Variants in TOP6BL observed in about 807,000 individuals in gnomAD.
TOP6BL encodes TOP6B like initiator of meiotic double strand breaks, also known as type 2 DNA topoisomerase 6 subunit B-like.
At chr11:66,825,291 C>G in the TOP6BL span, among the ~76,000 whole-genome samples, 2 of 149,164 alleles carry the variant, frequency 1.3e-5, no homozygotes, top group African/African-American at 4.9e-5. Flanking sequence ...TCAGCCTGAC[C>G]AACATGGTGA....
chr11:66,763,561 C>T, the TOP6BL span, among the ~76,000 whole-genome samples: 12 of 151,968 alleles, frequency 7.9e-5, no homozygotes, highest in Non-Finnish European at 1.2e-4. Context: ...CCTCCCACCT[C>T]GGCCTCCCAA....
the TOP6BL span, among the ~76,000 whole-genome samples, chr11:66,754,360 AT>A: frequency 5.9e-5 from 9 of 151,884 alleles, no homozygotes; most frequent in Admixed American, 3.9e-4. Flanking sequence ...CATAATTTTT[AT>A]CTCTTCTACT....
chr11:66,748,242 T>C, the TOP6BL span: 1 of 692,814 alleles, frequency 1.4e-6, no homozygotes, highest in Admixed American at 3.4e-5. Context: ...TGAACAAACC[T>C]AAATCTGACA....
the TOP6BL span, among the ~76,000 whole-genome samples, chr11:66,784,956 C>CTTTTTTTTT: frequency 2.0e-4 from 19 of 95,114 alleles, no homozygotes; most frequent in Admixed American, 2.6e-4. Flanking sequence ...TCTAAGATTT[C>CTTTTTTTTT]TTTTTTTTTT....
At chr11:66,748,595 G>T in the TOP6BL span, 2 of 1,132,564 alleles carry the variant, frequency 1.8e-6, no homozygotes, top group Non-Finnish European at 2.4e-6. Context: ...ATTTCAATTA[G>T]AATCTTTTAT....
the TOP6BL span, among the ~76,000 whole-genome samples, chr11:66,802,260 C>T: frequency 6.6e-6 from 1 of 151,976 alleles, no homozygotes; most frequent in African/African-American, 2.4e-5. Context: ...TCAAGCGATT[C>T]TCCTGCCTCA....
chr11:66,749,049 TGTGTGTGTGTGTGTG>T, the TOP6BL span, among the ~76,000 whole-genome samples: 152 of 147,684 alleles, frequency 1.0e-3, no homozygotes, highest in African/African-American at 3.7e-3. Flanking sequence ...GTTAGCTTTT[TGTGTGTGTGTGTGTG>T]GTGTGTGTGT....
the TOP6BL span, chr11:66,828,337 TCAC>T: frequency 1.5e-5 from 25 of 1,613,402 alleles, no homozygotes; most frequent in Admixed American, 3.3e-5. Flanking sequence ...ACCAATTTCT[TCAC>T]CACTGCTCAT....
At chr11:66,800,971 TCAAA>T in the TOP6BL span, 3 of 1,574,908 alleles carry the variant, frequency 1.9e-6, no homozygotes, top group African/African-American at 1.3e-5. Flanking sequence ...AAAATTTATG[TCAAA>T]CAGAGATTGA....
the TOP6BL span, among the ~76,000 whole-genome samples, chr11:66,837,646 T>C: frequency 6.6e-6 from 1 of 151,064 alleles, no homozygotes; most frequent in Admixed American, 6.6e-5. Flanking sequence ...AGTTTCACCA[T>C]GTTGGCCAGG....
the TOP6BL span, among the ~76,000 whole-genome samples, chr11:66,828,975 G>GT: frequency 0.21 from 24,852 of 120,358 alleles, 2,880 homozygotes; most frequent in Middle Eastern, 0.39. Flanking sequence ...TGTGTTTTTT[G>GT]TTTTTTTTTT....
chr11:66,807,438 G>A, the TOP6BL span, among the ~76,000 whole-genome samples: 1 of 152,138 alleles, frequency 6.6e-6, no homozygotes, highest in Non-Finnish European at 1.5e-5. Context: ...AGGCATGGTT[G>A]TGCATGCCTG....
the TOP6BL span, among the ~76,000 whole-genome samples, chr11:66,836,070 C>T: frequency 1.3e-5 from 2 of 152,192 alleles, no homozygotes; most frequent in Non-Finnish European, 2.9e-5. Context: ...GTTTTTCTTA[C>T]TGCCATTCTA....
chr11:66,828,231 G>A, the TOP6BL span: 3 of 1,502,684 alleles, frequency 2.0e-6, no homozygotes, highest in South Asian at 1.1e-5. Context: ...TTCCAGTACT[G>A]GAACTCAGCA....
At chr11:66,767,239 C>T in the TOP6BL span, among the ~76,000 whole-genome samples, 1 of 152,142 alleles carries the variant, frequency 6.6e-6, no homozygotes, top group Non-Finnish European at 1.5e-5. Context: ...ATGTGTGCTA[C>T]TGTCTGCATT....
At chr11:66,839,118 C>T in the TOP6BL span, 5 of 456,256 alleles carry the variant, frequency 1.1e-5, no homozygotes, top group Non-Finnish European at 2.2e-5. Context: ...TTTCTCCATA[C>T]ATGTCTCCTG....
At chr11:66,821,508 C>G in the TOP6BL span, 1 of 910,990 alleles carries the variant, frequency 1.1e-6, no homozygotes. Flanking sequence ...ATCTCCTGAC[C>G]TCGTGATCCG....
the TOP6BL span, among the ~76,000 whole-genome samples, chr11:66,784,693 A>G: frequency 6.6e-6 from 1 of 152,190 alleles, no homozygotes; most frequent in Admixed American, 6.5e-5. Flanking sequence ...AGGCCTATCC[A>G]TGTTGTTTCA....
At chr11:66,816,137 T>A in the TOP6BL span, 1 of 1,607,266 alleles carries the variant, frequency 6.2e-7, no homozygotes, top group Non-Finnish European at 8.5e-7. Context: ...GGACAAACTC[T>A]GCTGCTTTTT....
Sources: gnomAD v4.1 joint callset for allele counts (sites outside exome capture counted in the v4.1 genomes callset) on GRCh38, gnomAD v4.1.1 for gene constraint, MANE v1.5 for transcripts, NCBI Gene and HGNC (gene_info 2026-07-23, HGNC 2026-07-21) for gene names.